Variants in CATSPER2 observed in about 807,000 individuals in gnomAD.
The protein encoded by CATSPER2 is cation channel sperm-associated protein 2.
CATSPER2 carries 56 observed loss-of-function variants against 68.8 expected under a neutral mutation model. That is an observed-to-expected ratio of 0.81 (90% CI 0.66 to 1.02). CATSPER2 has a LOEUF of 1.02. Among genes scored for constraint, CATSPER2 ranks in the 50% least tolerant of loss-of-function variants. The probability of loss-of-function intolerance (pLI) is 0.00; values close to 1 mark genes in which losing one functional copy is unlikely to be tolerated. For missense variants in CATSPER2, 582 were observed against 642.0 expected (o/e 0.91, Z 1.01); for synonymous variants, 198 against 229.9 (o/e 0.86, Z 1.26).
chr15:43,634,698 G>A (rs1291789769), intron 10 of CATSPER2: 3 of 153,344 alleles, frequency 2.0e-5, no homozygotes, highest in East Asian at 1.9e-4. Flanking sequence ...TTGTTAATAA[G>A]TGAATGAGTT....
At position 43,631,451 on chromosome 15, in the gene CATSPER2, A is replaced by G. The variant is rs186162113; in HGVS notation, c.1562-719T>C. 6.8e-5 allele frequency: 16 copies of G among 235,090 alleles called. No individual in the cohort carries two copies. In the East Asian group the frequency reaches 6.9e-4, roughly 10 times the overall value. The allele number at this position is 235,090 out of a possible 1,614,324, so 14.6% of individuals were successfully genotyped here. A position where few individuals can be genotyped will look rare whatever the true frequency, so the allele number is the denominator to read the frequency against. On this transcript the variant is annotated intron_variant, in intron 12 of 12. Coordinates refer to ENST00000396879, the MANE Select transcript of CATSPER2 (RefSeq NM_172095.4). ...TCACCATGTTGGCCAGGATGATCCT[A>G]ATCTCCTGACCTTGTGATCTGCCCG...
At chr15:43,646,445 C>G (rs901891401) in intron 4 of CATSPER2, among the ~76,000 whole-genome samples, 10 of 151,260 alleles carry the variant, frequency 6.6e-5, no homozygotes, top group African/African-American at 2.2e-4. Context: ...ATTTTTAGTA[C>G]AGATGGGGTT....
upstream of CATSPER2, chr15:43,648,847 TCGCCCAGCCACTCGC>T (rs765137866): frequency 6.6e-7 from 1 of 1,523,638 alleles, no homozygotes; most frequent in South Asian, 1.2e-5. Context: ...GGAGCAACGC[TCGCCCAGCCACTCGC>T]CGCCTAGGCC....
rs1205711041 is a variant in CATSPER2 at position 43,632,251 on chromosome 15, T to G, written c.1509A>C (p.Leu503=). 5 of 1,613,756 alleles carry G rather than the reference T, an allele frequency of 3.1e-6. No homozygotes were observed. The highest frequency in any genetic ancestry group is 4.2e-6 in the Non-Finnish European group (5 of 1,179,824). Reference sequence around the variant, plus strand: ...CCTCTAGGTTATACTGAAGCTTTTCTAGCAACTCAAAATATCGGAAGAGTG... The same window carrying G: ...CCTCTAGGTTATACTGAAGCTTTTCGAGCAACTCAAAATATCGGAAGAGTG... ...RDSLFRYFEL[L]EKLQYNLEER... The change falls in exon 12 of 13, where the codon CTA becomes CTC. Residue 503 remains leucine, a synonymous_variant. Transcript: ENST00000396879.
chr15:43,639,050 T>A, intron 6 of CATSPER2, 22 bp from the exon 7 acceptor site: 1 of 1,610,558 alleles, frequency 6.2e-7, no homozygotes, highest in Non-Finnish European at 8.5e-7. Flanking sequence ...AACTCTCATG[T>A]CAGATGTGGG....
intron 10 of CATSPER2, chr15:43,633,176 A>G (rs906782205): frequency 1.9e-6 from 1 of 535,910 alleles, no homozygotes; most frequent in East Asian, 3.3e-5. Flanking sequence ...TTCGAAATAT[A>G]TCTTTTCTCA....
intron 4 of CATSPER2, among the ~76,000 whole-genome samples, chr15:43,643,180 G>C (rs2086101641): frequency 1.3e-5 from 2 of 151,884 alleles, no homozygotes; most frequent in Admixed American, 1.3e-4. Flanking sequence ...AGAATACCAG[G>C]TAAATTCACA....
intron 5 of CATSPER2, 121 bp downstream of exon 5, chr15:43,640,203 T>C: frequency 1.9e-6 from 3 of 1,577,974 alleles, no homozygotes; most frequent in Non-Finnish European, 2.6e-6. Flanking sequence ...GGAAAAAAAA[T>C]CAAAAGAAAG....
intron 12 of CATSPER2, among the ~76,000 whole-genome samples, chr15:43,631,134 C>T (rs1040328798): frequency 2.0e-5 from 3 of 152,096 alleles, no homozygotes; most frequent in Middle Eastern, 3.4e-3. Context: ...GTCCTCCTCT[C>T]TAATTTCTTA....
chr15:43,638,781 A>G lies in CATSPER2; in HGVS notation c.842+123T>C, dbSNP rs1213975677. ...TTTTGCTTTCTCTTTCCCTCTCCCT[A>G]TTGTGTTCTATTTCAGTTTCTTGGA... On this transcript the variant is annotated intron_variant, in intron 7 of 12. Transcript: ENST00000396879. 3.5e-6 allele frequency: 4 copies of G among 1,154,622 alleles called. No individual in the cohort carries two copies. In the Admixed American group the frequency reaches 5.4e-5, roughly 16 times the overall value. The allele number at this position is 1,154,622 out of a possible 1,614,324, so 71.5% of individuals were successfully genotyped here.
chr15:43,642,644 G>GC (rs2086094932), intron 4 of CATSPER2: 1 of 121,500 alleles, frequency 8.2e-6, no homozygotes, highest in Non-Finnish European at 1.7e-5. Flanking sequence ...GTAAAATAAG[G>GC]CTCTTGTAAA....
Position 43,630,336 on chromosome 15 carries a change from A to C in CATSPER2, c.*365T>G. On this transcript the variant is annotated 3_prime_UTR_variant, in exon 13 of 13. Transcript: ENST00000396879. ...TCAATATCCCTTATCTCAGGGTCAC[A>C]CTACTGAGCAGCTATCAGGAGTATT... is the stretch of plus-strand genomic sequence containing the variant. 1 of 316,958 alleles carries C rather than the reference A, an allele frequency of 3.2e-6. No individual in the cohort carries two copies. Among genetic ancestry groups the C allele is most frequent in the Non-Finnish European group, 6.1e-6 (1 of 162,932 alleles). 19.6% of individuals were successfully genotyped at this position (316,958 alleles called of 1,614,324 possible).
Position 43,648,683 on chromosome 15 carries a change from G to A in CATSPER2, c.-57C>T. ...TCCTTATTTCACGCTTCCGCCTCCA[G>A]CTCAGGTGCCCCGAGCCTGGCTACC... On this transcript the variant is annotated 5_prime_UTR_variant, in exon 1 of 13. Transcript: ENST00000396879. 2 of 1,442,636 alleles carry A rather than the reference G, an allele frequency of 1.4e-6. No individual in the cohort carries two copies. The highest frequency in any genetic ancestry group is 2.7e-5 in the East Asian group (1 of 37,458). 89.4% of individuals were successfully genotyped at this position (1,442,636 alleles called of 1,614,324 possible). A position where few individuals can be genotyped will look rare whatever the true frequency, so the allele number is the denominator to read the frequency against.
intron 12 of CATSPER2, chr15:43,631,586 A>G: frequency 3.2e-6 from 1 of 313,022 alleles, no homozygotes; most frequent in Admixed American, 4.0e-5. Context: ...AGAGTAATGA[A>G]ATTTAGGAAA....
At chr15:43,638,219 G>A (rs562991358) in intron 7 of CATSPER2, among the ~76,000 whole-genome samples, 2 of 149,840 alleles carry the variant, frequency 1.3e-5, no homozygotes, top group African/African-American at 2.5e-5. Flanking sequence ...TTCTGAAACT[G>A]CTGGGATTAT....
At chr15:43,647,777 C>A (rs1287889689) in intron 2 of CATSPER2, 140 bp downstream of exon 2, 2 of 972,546 alleles carry the variant, frequency 2.1e-6, no homozygotes, top group Non-Finnish European at 3.3e-6. Flanking sequence ...GATTCTATCT[C>A]TTCAGTTTTA....
Position 43,632,803 on chromosome 15 carries a change from T to G in CATSPER2, c.1310A>C (p.Lys437Thr). ...ASKTEETLSKKREYQSSSCVS... is the reference protein window; with the variant it reads ...ASKTEETLSKTREYQSSSCVS... ...ACAGGAGGAAGACTGGTACTCTCTC[T>G]TTTTTGACAAGGTCTCTTCTGTTTT... Residue 437 changes from lysine to threonine, a missense_variant, in exon 11 of 13, where the codon AAG (lysine) becomes ACG (threonine). By Grantham distance (78) the Lys-to-Thr change is moderately conservative. Around this residue, in one of 5 missense-constraint regions of CATSPER2, gnomAD observed 235 missense variants for 264.2 expected, o/e 0.89. Coordinates refer to ENST00000396879, the MANE Select transcript of CATSPER2 (RefSeq NM_172095.4). 1 of 1,613,762 alleles carries G rather than the reference T, an allele frequency of 6.2e-7. No homozygotes were observed. The highest frequency in any genetic ancestry group is 8.5e-7 in the Non-Finnish European group (1 of 1,179,840).
At chr15:43,639,135 T>A in intron 6 of CATSPER2, 107 bp from the exon 7 acceptor site, 1 of 1,333,234 alleles carries the variant, frequency 7.5e-7, no homozygotes, top group Non-Finnish European at 1.1e-6. Context: ...TCTCTTGCAC[T>A]GCTGAACCCA....
Position 43,635,404 on chromosome 15 carries a change from C to CA in CATSPER2, c.1133dup (p.Met378IlefsTer4). On this transcript the variant is annotated frameshift_variant, in exon 10 of 13. Transcript: ENST00000396879. LOFTEE classifies it high-confidence loss of function. ...GGCTTGACGTCAGTGCTTCATGTGA[C>CA]ATGTTTTTTCTCCTGCAGAGCAAAA... 1.2e-6 allele frequency: 2 copies of CA among 1,606,542 alleles called. No homozygotes were observed. The highest frequency in any genetic ancestry group is 1.7e-6 in the Non-Finnish European group (2 of 1,178,532).
Sources: gnomAD v4.1 joint callset for allele counts (sites outside exome capture counted in the v4.1 genomes callset) on GRCh38, gnomAD v4.1.1 for gene constraint, gnomAD v4.1.1 regional missense constraint, MANE v1.5 for transcripts, NCBI Gene and HGNC (gene_info 2026-07-23, HGNC 2026-07-21) for gene names.